Variants in PCDHA7 observed in about 807,000 individuals in gnomAD.
The protein encoded by PCDHA7 is protocadherin alpha 7, also known as protocadherin alpha-7.
Under a neutral mutation model 57.2 loss-of-function variants are expected in PCDHA7, and 37 were observed. The ratio of observed to expected loss-of-function variants is 0.65; its 90% confidence interval spans 0.50 to 0.85. The LOEUF (loss-of-function observed/expected upper bound fraction) is 0.85. Among genes scored for constraint, PCDHA7 ranks in the 40% least tolerant of loss-of-function variants. PCDHA7 has a pLI of 0.00. For missense variants in PCDHA7, 1,188 were observed against 1,241.8 expected (o/e 0.96, Z 0.65); for synonymous variants, 553 against 558.8 (o/e 0.99, Z 0.15).
intron 1 of PCDHA7, among the ~76,000 whole-genome samples, chr5:140,978,200 C>T (rs2096792236): frequency 6.6e-6 from 1 of 152,220 alleles, no homozygotes. Context: ...TTTCAATACA[C>T]AACTAATGCA....
intron 1 of PCDHA7, chr5:140,875,357 C>G (rs1173514822): frequency 6.9e-7 from 1 of 1,446,594 alleles, no homozygotes; most frequent in Non-Finnish European, 9.1e-7. Flanking sequence ...GACTGTGATG[C>G]TGGAAAAAAT....
chr5:140,985,889 G>A (rs549796234), intron 3 of PCDHA7, among the ~76,000 whole-genome samples: 61 of 151,864 alleles, frequency 4.0e-4, no homozygotes, highest in Non-Finnish European at 5.7e-4. Context: ...ACAGGCGCCC[G>A]CCACCACTCC....
In PCDHA7 at chr5:140,850,590, T is replaced by G. The variant is rs2150490414; in HGVS notation, c.2355+13852T>G. The G allele has an allele frequency of 2.7e-5, 43 of 1,598,318 alleles. 1 individual carries two copies. The highest frequency in any genetic ancestry group is 3.5e-5 in the Non-Finnish European group (41 of 1,167,854). ...GGTGACGCTGGTGGATGTCAACGTG[T>G]ACCTGATCATCGCCATCTGCGCGGT... On this transcript the variant is annotated intron_variant, in intron 1 of 3. Coordinates refer to ENST00000525929, the MANE Select transcript of PCDHA7 (RefSeq NM_018910.3).
intron 1 of PCDHA7, chr5:140,868,990 G>T: frequency 6.6e-7 from 1 of 1,511,604 alleles, no homozygotes; most frequent in Non-Finnish European, 8.8e-7. Flanking sequence ...GGATGCCACC[G>T]TTTAAGGATC....
At chr5:140,838,559 T>C (rs1251865837) in intron 1 of PCDHA7, among the ~76,000 whole-genome samples, 1 of 152,048 alleles carries the variant, frequency 6.6e-6, no homozygotes, top group Non-Finnish European at 1.5e-5. Context: ...ATTCATCCAG[T>C]ACTGTATTAG....
At chr5:140,869,928 A>G (rs1554163617) in intron 1 of PCDHA7, 1 of 1,611,726 alleles carries the variant, frequency 6.2e-7, no homozygotes, top group Middle Eastern at 1.6e-4. Context: ...GAGTCAATGG[A>G]GAGGTAACAT....
intron 1 of PCDHA7, chr5:140,871,449 G>T (rs782722272): frequency 2.7e-5 from 43 of 1,608,644 alleles, no homozygotes; most frequent in Non-Finnish European, 3.7e-5. Flanking sequence ...TGAATAAAGA[G>T]GAGGAAGGGG....
chr5:140,946,405 T>C (rs1554217546), intron 1 of PCDHA7, among the ~76,000 whole-genome samples: 1 of 151,592 alleles, frequency 6.6e-6, no homozygotes, highest in South Asian at 2.1e-4. Context: ...AGTACAATCA[T>C]AGAAAACAAT....
At chr5:140,979,051 G>C in intron 2 of PCDHA7, 44 bp downstream of exon 2, 1 of 1,609,534 alleles carries the variant, frequency 6.2e-7, no homozygotes, top group East Asian at 2.2e-5. Flanking sequence ...ACCTTAACTT[G>C]GTATGGCTCA....
intron 1 of PCDHA7, chr5:140,883,909 C>T: frequency 6.2e-7 from 1 of 1,613,472 alleles, no homozygotes; most frequent in Non-Finnish European, 8.5e-7. Flanking sequence ...CTCTGGGCAG[C>T]AACGTGACGC....
At chr5:140,839,156 T>C (rs2150295146) in intron 1 of PCDHA7, among the ~76,000 whole-genome samples, 23 of 97,316 alleles carry the variant, frequency 2.4e-4, no homozygotes, top group Non-Finnish European at 4.5e-4. Flanking sequence ...TTTGCTGCTC[T>C]TGTTGAAAGA....
In PCDHA7 at chr5:140,894,992, T is replaced by C. The variant is rs78280553; in HGVS notation, c.2355+58254T>C. Among the ~76,000 whole-genome samples, 440 of 152,300 alleles carry C rather than the reference T, an allele frequency of 2.9e-3. 1 individual carries two copies. The highest frequency in any genetic ancestry group is 0.01 in the African/African-American group (421 of 41,556). On this transcript the variant is annotated intron_variant, in intron 1 of 3. Transcript: ENST00000525929. ...TAATGTCTTACTTTGTGACATCCTT[T>C]ACCCTTTTTACTTGGACCTTTTTCC...
rs529382424 is a variant in PCDHA7 at position 140,924,810 on chromosome 5, G to A, written c.2356-54139G>A. 4.8e-4 allele frequency among the ~76,000 whole-genome samples: 73 copies of A among 151,660 alleles called. No homozygotes were observed. The South Asian group carries it at 9.2e-3, about 19-fold the overall frequency. ...CTTAGGAGGCTGAGGCAAGAGAATC[G>A]CTTGAACCTGGGAGGGGGAGGTTGC... On this transcript the variant is annotated intron_variant, in intron 1 of 3. Transcript: ENST00000525929.
At chr5:140,948,395 T>C (rs1317288202) in intron 1 of PCDHA7, among the ~76,000 whole-genome samples, 1 of 151,580 alleles carries the variant, frequency 6.6e-6, no homozygotes, top group African/African-American at 2.4e-5. Context: ...TTCTGAAAGG[T>C]TGTGTAATAT....
In PCDHA7 at chr5:140,851,314, CTTG is replaced by C. The variant is rs1205555988; in HGVS notation, c.2355+14579_2355+14581del. On this transcript the variant is annotated intron_variant, in intron 1 of 3. Coordinates refer to ENST00000525929, the MANE Select transcript of PCDHA7 (RefSeq NM_018910.3). ...AGCAAAAATATATAGCAATTGTTACCTTGTTAAGTTTGTAGTTCTCTACATTTC... is the reference window on the plus strand; with the variant it reads ...AGCAAAAATATATAGCAATTGTTACCTTAAGTTTGTAGTTCTCTACATTTC... 1.1e-5 allele frequency: 11 copies of C among 997,988 alleles called. 1 individual carries two copies. The South Asian group carries it at 3.6e-4, about 33-fold the overall frequency. The allele number at this position is 997,988 out of a possible 1,614,324, so 61.8% of individuals were successfully genotyped here.
intron 1 of PCDHA7, chr5:140,848,769 C>T: frequency 1.3e-6 from 2 of 1,593,410 alleles, no homozygotes; most frequent in Non-Finnish European, 1.7e-6. Flanking sequence ...TCGGATCGAC[C>T]GCGAGGAGCT....
intron 1 of PCDHA7, chr5:140,929,822 A>G (rs1554207413): frequency 1.9e-5 from 3 of 157,286 alleles, no homozygotes; most frequent in African/African-American, 2.4e-5. Flanking sequence ...GAAAGGGAAC[A>G]TAAGAGAACA....
intron 1 of PCDHA7, among the ~76,000 whole-genome samples, chr5:140,873,375 T>G (rs251375): frequency 0.44 from 67,180 of 152,024 alleles, 15,319 homozygotes; most frequent in South Asian, 0.58. Flanking sequence ...GAAGATCTTT[T>G]AAAGACTTGG....
At chr5:140,935,093 A>G (rs1182064605) in intron 1 of PCDHA7, among the ~76,000 whole-genome samples, 1 of 152,204 alleles carries the variant, frequency 6.6e-6, no homozygotes, top group Admixed American at 6.5e-5. Context: ...TCCCAGAATC[A>G]GCCATTTTTC....
Sources: gnomAD v4.1 joint callset for allele counts (sites outside exome capture counted in the v4.1 genomes callset) on GRCh38, gnomAD v4.1.1 for gene constraint, MANE v1.5 for transcripts, NCBI Gene and HGNC (gene_info 2026-07-23, HGNC 2026-07-21) for gene names.